CSMD1: variants seen among roughly 807,000 people sequenced by gnomAD.
CSMD1 encodes CUB and Sushi multiple domains 1.
A neutral mutation model predicts 417.5 loss-of-function variants in CSMD1; 213 were observed. The observed-to-expected ratio is 0.51, with a 90% CI of 0.46 to 0.57. CSMD1 has a LOEUF of 0.57. Among genes scored for constraint, CSMD1 ranks in the 20% least tolerant of loss-of-function variants. The pLI is 0.00. For missense variants in CSMD1, 6,923 were observed against 4,529.7 expected, an observed-to-expected ratio of 1.53 and a Z score of -15.17; for synonymous variants, 2,862 against 1,736.8, an observed-to-expected ratio of 1.65 and a Z score of -16.11.
chr8:4,434,604 C>A (rs895248107), intron 2 of CSMD1, among the ~76,000 whole-genome samples: 1 of 152,118 alleles, frequency 6.6e-6, no homozygotes, highest in Non-Finnish European at 1.5e-5. Flanking sequence ...TGAAGCTAAT[C>A]CAAAATTTCC....
intron 38 of CSMD1, among the ~76,000 whole-genome samples, chr8:3,161,263 G>A (rs538682856): frequency 1.3e-5 from 2 of 152,064 alleles, no homozygotes; most frequent in African/African-American, 2.4e-5. Flanking sequence ...TAAATAATAA[G>A]AGAAAAATGA....
intron 10 of CSMD1, among the ~76,000 whole-genome samples, chr8:3,560,737 C>G (rs1799433996): frequency 6.6e-6 from 1 of 152,192 alleles, no homozygotes; most frequent in Non-Finnish European, 1.5e-5. Context: ...CTAATTATCA[C>G]TAGCAGCCTT....
At chr8:4,969,940 A>G (rs568775569) in intron 1 of CSMD1, among the ~76,000 whole-genome samples, 1 of 152,234 alleles carries the variant, frequency 6.6e-6, no homozygotes, top group Non-Finnish European at 1.5e-5. Flanking sequence ...TTAAAACTGG[A>G]TGCAAACATG....
chr8:3,306,872 T>C lies in CSMD1; in HGVS notation c.3950+823A>G, dbSNP rs930704788. ...AGCTTACTTTAAAAATATTACTTTT[T>C]GTTGGTTTAAATAACTCATCATCAT... On this transcript the variant is annotated intron_variant, in intron 25 of 69. Coordinates refer to ENST00000635120, the MANE Select transcript of CSMD1 (RefSeq NM_033225.6). Among the ~76,000 whole-genome samples, 3 of 151,388 alleles carry C rather than the reference T, an allele frequency of 2.0e-5. No homozygotes were observed. The East Asian group carries it at 5.8e-4, about 29-fold the overall frequency.
chr8:4,565,749 C>CATAT (rs58696547), intron 2 of CSMD1, among the ~76,000 whole-genome samples: 185 of 118,344 alleles, frequency 1.6e-3, no homozygotes, highest in Middle Eastern at 4.8e-3. Flanking sequence ...AAAATATATA[C>CATAT]ATATATATAT....
intron 7 of CSMD1, among the ~76,000 whole-genome samples, chr8:3,659,677 T>C (rs1290402917): frequency 6.6e-6 from 1 of 152,110 alleles, no homozygotes; most frequent in African/African-American, 2.4e-5. Context: ...GCTGTTTCTG[T>C]TAACAATATG....
At chr8:4,297,379 G>A (rs77666555) in intron 3 of CSMD1, among the ~76,000 whole-genome samples, 6,551 of 152,064 alleles carry the variant, frequency 0.043, 196 homozygotes, top group South Asian at 0.1. Context: ...CAGACGTTCA[G>A]CGTACTGTAA....
chr8:3,950,896 A>C (rs1331844641), intron 5 of CSMD1, among the ~76,000 whole-genome samples: 1 of 152,230 alleles, frequency 6.6e-6, no homozygotes, highest in East Asian at 1.9e-4. Context: ...AAGAATACTT[A>C]ATAAAAAATA....
intron 3 of CSMD1, among the ~76,000 whole-genome samples, chr8:4,215,996 C>T (rs1800645596): frequency 1.3e-5 from 2 of 152,146 alleles, no homozygotes; most frequent in African/African-American, 2.4e-5. Flanking sequence ...GAGTGGTGCC[C>T]ATTTCAGCCA....
intron 3 of CSMD1, among the ~76,000 whole-genome samples, chr8:4,179,573 C>G (rs1168255030): frequency 1.3e-5 from 2 of 151,134 alleles, no homozygotes; most frequent in Admixed American, 6.6e-5. Flanking sequence ...ACAAAATTGA[C>G]AAATGGAATC....
In CSMD1 at chr8:4,626,839, C is replaced by T. The variant is rs182820407; in HGVS notation, c.302+10503G>A. 4.3e-3 allele frequency among the ~76,000 whole-genome samples: 662 copies of T among 152,258 alleles called. 7 individuals are homozygous for T. The highest frequency in any genetic ancestry group is 0.015 in the African/African-American group (611 of 41,540). ...CTAGTTAATACTCCAGGTTCTAAGACATAAGCAAGAACGATATAAGCAAGA... is the reference window on the plus strand; with the variant it reads ...CTAGTTAATACTCCAGGTTCTAAGATATAAGCAAGAACGATATAAGCAAGA... On this transcript the variant is annotated intron_variant, in intron 2 of 69. Transcript: ENST00000635120.
rs747854575 is a variant in CSMD1, at chr8:3,052,499, C to A, written c.7623G>T (p.Gly2541=). 1.3e-6 allele frequency: 2 copies of A among 1,594,930 alleles called. No homozygotes were observed. Among genetic ancestry groups the A allele is most frequent in the East Asian group, 4.5e-5 (2 of 44,178 alleles). ...GCGGCTTCCCCTTGTTACTCCACAA[C>A]CCATCTTCTTGACACACGGCTGTTG... ...QQATAVCQED[G]LWSNKGKPPT... Residue 2541 remains glycine (G), a synonymous_variant, in exon 50 of 70, where the codon GGG becomes GGT. Coordinates refer to ENST00000635120, the MANE Select transcript of CSMD1 (RefSeq NM_033225.6).
intron 1 of CSMD1, among the ~76,000 whole-genome samples, chr8:4,804,860 C>A (rs1301627644): frequency 6.6e-6 from 1 of 152,152 alleles, no homozygotes; most frequent in South Asian, 2.1e-4. Flanking sequence ...GGCTCATTGT[C>A]TAACAGCCTG....
chr8:4,974,505 G>A (rs950842143), intron 1 of CSMD1, among the ~76,000 whole-genome samples: 1 of 126,794 alleles, frequency 7.9e-6, no homozygotes, highest in Non-Finnish European at 1.8e-5. Flanking sequence ...ATCATTACAT[G>A]AAAATTATTT....
intron 10 of CSMD1, among the ~76,000 whole-genome samples, chr8:3,531,849 G>A (rs1045885376): frequency 3.3e-5 from 5 of 152,126 alleles, no homozygotes; most frequent in African/African-American, 1.2e-4. Context: ...ACGGCTACGT[G>A]GGGCCAGGCC....
chr8:4,023,788 T>TGC, intron 4 of CSMD1, among the ~76,000 whole-genome samples: 1 of 114,926 alleles, frequency 8.7e-6, no homozygotes, highest in African/African-American at 3.3e-5. Flanking sequence ...TTTTTTTGTG[T>TGC]GTGTATTTTT....
intron 21 of CSMD1, among the ~76,000 whole-genome samples, chr8:3,354,996 T>C (rs552323110): frequency 7.6e-6 from 1 of 130,760 alleles, no homozygotes; most frequent in Non-Finnish European, 1.6e-5. Context: ...TTAAACTAGA[T>C]ATAAATTAAA....
At chr8:4,697,153 C>T (rs762528165) in intron 1 of CSMD1, among the ~76,000 whole-genome samples, 17 of 151,964 alleles carry the variant, frequency 1.1e-4, no homozygotes, top group African/African-American at 3.9e-4. Flanking sequence ...GCCTGGGCAA[C>T]AGAATGAGAC....
chr8:3,170,165 G>C (rs777847291), intron 37 of CSMD1, among the ~76,000 whole-genome samples: 28 of 152,270 alleles, frequency 1.8e-4, no homozygotes, highest in African/African-American at 6.5e-4. Context: ...TCCTGTTTGA[G>C]TGCTCATTTT....
Sources: allele counts gnomAD v4.1 joint callset (sites outside exome capture counted in the v4.1 genomes callset), GRCh38; gene constraint gnomAD v4.1.1; transcripts MANE v1.5; gene names NCBI Gene and HGNC (gene_info 2026-07-23, HGNC 2026-07-21).